HIPK2: variants seen among roughly 807,000 people sequenced by gnomAD.
HIPK2 encodes the protein homeodomain-interacting protein kinase 2.
Under a neutral mutation model 113.7 loss-of-function variants are expected in HIPK2, and 27 were observed. The ratio of observed to expected loss-of-function variants is 0.24; its 90% confidence interval spans 0.17 to 0.33. HIPK2 has a LOEUF of 0.33. HIPK2 is among the 10% of genes least tolerant of loss of function. The pLI is 1.00. For missense variants in HIPK2, 1,257 were observed against 1,588.0 expected (o/e 0.79, Z 3.54); for synonymous variants, 631 against 642.2 (o/e 0.98, Z 0.26).
At chr7:139,705,128 G>T (rs1438751128) in intron 2 of HIPK2, among the ~76,000 whole-genome samples, 2 of 152,218 alleles carry the variant, frequency 1.3e-5, no homozygotes, top group Non-Finnish European at 2.9e-5. Context: ...AAAAAGAAAT[G>T]ATTGGGAATA....
At chr7:139,725,974 T>C (rs1006953121) in intron 1 of HIPK2, among the ~76,000 whole-genome samples, 3 of 151,684 alleles carry the variant, frequency 2.0e-5, no homozygotes, top group African/African-American at 7.3e-5. Context: ...AAAGGAAAAA[T>C]GAGGGCTGAT....
intron 9 of HIPK2, among the ~76,000 whole-genome samples, chr7:139,608,550 A>G (rs1799707810): frequency 6.6e-6 from 1 of 152,080 alleles, no homozygotes; most frequent in Non-Finnish European, 1.5e-5. Flanking sequence ...AACTTCCCCA[A>G]AGCCATATAG....
At chr7:139,764,997 A>G (rs56152277) in intron 1 of HIPK2, among the ~76,000 whole-genome samples, 55,158 of 151,792 alleles carry the variant, frequency 0.36, 13,995 homozygotes, top group African/African-American at 0.72. Context: ...TTAGCCGGGC[A>G]TGGTGGCGGG....
intron 2 of HIPK2, among the ~76,000 whole-genome samples, chr7:139,674,227 T>G (rs1203414752): frequency 6.6e-6 from 1 of 152,232 alleles, no homozygotes; most frequent in African/African-American, 2.4e-5. Flanking sequence ...TCTCATTTGG[T>G]GCTCAGAGCT....
At chr7:139,696,524 A>T (rs1473789230) in intron 2 of HIPK2, among the ~76,000 whole-genome samples, 1 of 151,912 alleles carries the variant, frequency 6.6e-6, no homozygotes, top group Admixed American at 6.6e-5. Context: ...TTGAGGTTGC[A>T]GTGAGCTGCG....
intron 2 of HIPK2, among the ~76,000 whole-genome samples, chr7:139,676,249 T>C (rs745622750): frequency 6.6e-6 from 1 of 152,226 alleles, no homozygotes; most frequent in African/African-American, 2.4e-5. Context: ...GGTACATGAA[T>C]GGATGTGGTT....
intron 2 of HIPK2, among the ~76,000 whole-genome samples, chr7:139,670,848 C>T (rs1235338252): frequency 6.7e-6 from 1 of 148,958 alleles, no homozygotes; most frequent in Admixed American, 6.8e-5. Flanking sequence ...ACTGCCCTCT[C>T]CGCCTTCCAG....
intron 2 of HIPK2, among the ~76,000 whole-genome samples, chr7:139,680,625 T>C (rs1425372965): frequency 2.0e-5 from 3 of 152,218 alleles, no homozygotes; most frequent in Non-Finnish European, 4.4e-5. Context: ...GCCTCAAATG[T>C]AGCAAATCAT....
chr7:139,651,012 A>G (rs1235983558), intron 2 of HIPK2, among the ~76,000 whole-genome samples: 1 of 152,256 alleles, frequency 6.6e-6, no homozygotes, highest in Non-Finnish European at 1.5e-5. Context: ...TGTGTCAGCC[A>G]CGGAATTTTG....
chr7:139,713,925 C>T (rs1006646691), intron 2 of HIPK2, among the ~76,000 whole-genome samples: 6 of 152,220 alleles, frequency 3.9e-5, no homozygotes, highest in Non-Finnish European at 7.3e-5. Flanking sequence ...GGCACCCAAC[C>T]CTCCAGATTC....
rs1388663367 is a variant in HIPK2 at position 139,570,205 on chromosome 7, C to G, written c.*2722G>C. On this transcript the variant is annotated 3_prime_UTR_variant, in exon 15 of 15. Transcript: ENST00000406875. ...CAAGACTTGGAACTCGGGATGAGAC[C>G]TAATGGGCTATTGCTGCCATCTGGC... 6.6e-6 allele frequency: 1 copy of G among 151,354 alleles called. No homozygotes were observed. Among genetic ancestry groups the G allele is most frequent in the Non-Finnish European group, 1.5e-5 (1 of 67,996 alleles). The allele number at this position is 151,354 out of a possible 1,614,324, so 9.4% of individuals were successfully genotyped here.
At chr7:139,621,040 C>T (rs564870512) in intron 6 of HIPK2, among the ~76,000 whole-genome samples, 8 of 152,308 alleles carry the variant, frequency 5.3e-5, no homozygotes, top group Middle Eastern at 3.4e-3. Flanking sequence ...ACCTAGGGGA[C>T]GGCCAAGGAA....
Position 139,564,599 on chromosome 7 carries a change from G to A in HIPK2, c.*8328C>T, listed in dbSNP as rs1798040058. On this transcript the variant is annotated 3_prime_UTR_variant, in exon 15 of 15. Transcript: ENST00000406875. ...ATGTTCTCTTGAGTTCACGTGGAAA[G>A]TAATAATCCAGAGGGAAGTGCGCAT... is the stretch of plus-strand genomic sequence containing the variant. The A allele has an allele frequency of 6.6e-6, 1 of 152,194 alleles. No homozygotes were observed. The highest frequency in any genetic ancestry group is 2.4e-5 in the African/African-American group (1 of 41,450). 9.4% of individuals were successfully genotyped at this position (152,194 alleles called of 1,614,324 possible). A position where few individuals can be genotyped will look rare whatever the true frequency, so the allele number is the denominator to read the frequency against.
At chr7:139,675,729 G>C (rs1032178786) in intron 2 of HIPK2, among the ~76,000 whole-genome samples, 1 of 152,188 alleles carries the variant, frequency 6.6e-6, no homozygotes, top group African/African-American at 2.4e-5. Context: ...GGGTTGACCT[G>C]AGGTTTCTGG....
chr7:139,731,602 G>GT (rs1365697549), intron 1 of HIPK2, among the ~76,000 whole-genome samples: 2 of 152,182 alleles, frequency 1.3e-5, no homozygotes, highest in Admixed American at 1.3e-4. Flanking sequence ...TTGTACTCAT[G>GT]TTTATGTATT....
In HIPK2 at chr7:139,570,291, G is replaced by GA. The variant is rs1569438131; in HGVS notation, c.*2635_*2636insT. The GA allele has an allele frequency of 1.3e-5, 2 of 151,126 alleles. No individual in the cohort carries two copies. Among genetic ancestry groups the GA allele is most frequent in the African/African-American group, 4.9e-5 (2 of 40,888 alleles). 9.4% of individuals were successfully genotyped at this position (151,126 alleles called of 1,614,324 possible). ...TGACCCAGCTGTGGGGCGGGGGGGG[G>GA]TCCTCTGGCTTCTGTGTCCTCTGAA... On this transcript the variant is annotated 3_prime_UTR_variant, in exon 15 of 15. Coordinates refer to ENST00000406875, the MANE Select transcript of HIPK2 (RefSeq NM_022740.5).
At chr7:139,624,243 G>A (rs896417743) in intron 6 of HIPK2, among the ~76,000 whole-genome samples, 2 of 152,094 alleles carry the variant, frequency 1.3e-5, no homozygotes, top group Admixed American at 1.3e-4. Context: ...AGGCTGGTCT[G>A]AGCTCCTGAC....
At chr7:139,758,594 C>T (rs1302382692) in intron 1 of HIPK2, among the ~76,000 whole-genome samples, 1 of 152,150 alleles carries the variant, frequency 6.6e-6, no homozygotes. Flanking sequence ...AGCTCCGCCT[C>T]CTGTCAGATC....
chr7:139,695,942 T>C (rs1049716749), intron 2 of HIPK2, among the ~76,000 whole-genome samples: 6 of 152,156 alleles, frequency 3.9e-5, no homozygotes, highest in Non-Finnish European at 7.3e-5. Flanking sequence ...AGGTGTCCAA[T>C]AAATGTTTCC....
Sources: allele counts gnomAD v4.1 joint callset (sites outside exome capture counted in the v4.1 genomes callset), GRCh38; gene constraint gnomAD v4.1.1; transcripts MANE v1.5; gene names NCBI Gene and HGNC (gene_info 2026-07-23, HGNC 2026-07-21).